Variants in APC2 observed in about 807,000 individuals in gnomAD.
The protein encoded by APC2 is APC regulator of Wnt signaling pathway 2.
APC2 carries 41 observed loss-of-function variants against 72.5 expected under a neutral mutation model. The observed-to-expected ratio is 0.57, with a 90% CI of 0.44 to 0.73. The LOEUF is 0.73. APC2 is among the 30% of genes least tolerant of loss of function. APC2 has a pLI of 0.00. For synonymous variants in APC2, 1,898 were observed against 1,612.0 expected (o/e 1.18, Z -4.25); for missense variants, 3,729 against 3,403.4 (o/e 1.10, Z -2.38).
chr19:1,468,937 C>T lies in APC2; in HGVS notation c.5636C>T (p.Thr1879Ile), dbSNP rs1057247568. ...ACCCCCTCCTCCAGCTCCTCCCAGA[C>T]CTCGCCCGCCTCCCAGCCCCTGCCC... is the stretch of plus-strand genomic sequence containing the variant. Reference protein sequence around the residue: ...AKTPSSSSSQTSPASQPLPRK... With the variant: ...AKTPSSSSSQISPASQPLPRK... Residue 1879 changes from threonine to isoleucine, a missense_variant, in exon 15 of 15, where the codon ACC becomes ATC. Physicochemically the swap from Thr to Ile is moderately conservative, Grantham distance 89. Transcript: ENST00000590469. 1.3e-6 allele frequency: 2 copies of T among 1,542,278 alleles called. No individual in the cohort carries two copies. The highest frequency in any genetic ancestry group is 1.7e-6 in the Non-Finnish European group (2 of 1,151,088).
Position 1,469,952 on chromosome 19 carries a change from C to T in APC2, c.6651C>T (p.Ala2217=), listed in dbSNP as rs1046712957. ...PSLETREPPG[A]PAGGQLSLLG... is the part of the protein sequence containing the mutation. Reference sequence around the variant, plus strand: ...TGGAGACCAGGGAGCCCCCCGGGGCCCCCGCCGGCGGCCAGCTCTCCCTCC... The same window carrying T: ...TGGAGACCAGGGAGCCCCCCGGGGCTCCCGCCGGCGGCCAGCTCTCCCTCC... The change falls in exon 15 of 15, where the codon GCC becomes GCT. Residue 2217 remains alanine, a synonymous_variant. Coordinates refer to ENST00000590469, the MANE Select transcript of APC2 (RefSeq NM_005883.3). The T allele has an allele frequency of 7.3e-6, 11 of 1,513,182 alleles. No homozygotes were observed. The highest frequency in any genetic ancestry group is 1.2e-5 in the South Asian group (1 of 81,828). The allele number at this position is 1,513,182 out of a possible 1,614,324, so 93.7% of individuals were successfully genotyped here.
At chr19:1,461,372 CGAGA>C in intron 13 of APC2, 1 of 586,960 alleles carries the variant, frequency 1.7e-6, no homozygotes, top group Non-Finnish European at 3.0e-6. Context: ...GTCAGGAGTT[CGAGA>C]CCAGCCTGGC....
At chr19:1,457,303 GGGGAT>G in intron 9 of APC2, 60 bp downstream of exon 9, 1 of 1,463,610 alleles carries the variant, frequency 6.8e-7, no homozygotes, top group Non-Finnish European at 9.0e-7. Context: ...GGGCTTCCCG[GGGGAT>G]GGGCGACTAG....
chr19:1,447,705 G>A (rs2083699866), upstream of APC2, among the ~76,000 whole-genome samples: 1 of 152,106 alleles, frequency 6.6e-6, no homozygotes, highest in Admixed American at 6.5e-5. Context: ...TAGATTTGGG[G>A]CCAAGGGCAT....
intron 14 of APC2, among the ~76,000 whole-genome samples, chr19:1,464,860 T>C (rs1450467855): frequency 6.6e-6 from 1 of 151,466 alleles, no homozygotes; most frequent in Non-Finnish European, 1.5e-5. Flanking sequence ...CTCGATCTCC[T>C]GACCTCAGGG....
chr19:1,460,604 G>T (rs1267528259), intron 11 of APC2, among the ~76,000 whole-genome samples, 176 bp from the exon 12 acceptor site: 1 of 152,180 alleles, frequency 6.6e-6, no homozygotes, highest in East Asian at 1.9e-4. Flanking sequence ...CTGGGTGTCT[G>T]CCCCTGTCTG....
intron 4 of APC2, 124 bp from the exon 5 acceptor site, chr19:1,455,025 A>C: frequency 3.0e-5 from 9 of 300,638 alleles, no homozygotes; most frequent in Admixed American, 1.7e-4. Flanking sequence ...GTGCCACGGG[A>C]GAGACCTTGC....
intron 11 of APC2, 40 bp downstream of exon 11, chr19:1,460,360 C>T (rs760683277): frequency 6.2e-6 from 10 of 1,611,952 alleles, no homozygotes; most frequent in Admixed American, 5.0e-5. Flanking sequence ...TTTCCTCATC[C>T]AGTCTTCCAG....
At position 1,455,219 on chromosome 19, in the gene APC2, C is replaced by T. The variant is rs765538031; in HGVS notation, c.484C>T (p.Leu162=). 28 of 1,582,946 alleles carry T rather than the reference C, an allele frequency of 1.8e-5. No individual in the cohort carries two copies. Among genetic ancestry groups the T allele is most frequent in the Non-Finnish European group, 2.3e-5 (27 of 1,171,280 alleles). Residue 162 remains leucine (L), a synonymous_variant, in exon 5 of 15, where the codon CTG becomes TTG. Coordinates refer to ENST00000590469, the MANE Select transcript of APC2 (RefSeq NM_005883.3). ...CTGGTACTACTCTCAGCTGCAGGGC[C>T]TGTCCAAGCGCCTGGACGAGCTGCC... ...KLWYYSQLQG[L]SKRLDELPHV... is the part of the protein sequence containing the mutation.
In APC2 at chr19:1,456,170, A is replaced by T; in HGVS notation, c.717+17A>T. 1.3e-6 allele frequency: 2 copies of T among 1,575,306 alleles called. No individual in the cohort carries two copies. Among genetic ancestry groups the T allele is most frequent in the Non-Finnish European group, 1.7e-6 (2 of 1,163,266 alleles). ...GAGCCCCAGGTACCGGGTGGGGCAG[A>T]GCCAGGGACCAGGGGTGGTGTCGGC... On this transcript the variant is annotated intron_variant, in intron 7 of 14. Transcript: ENST00000590469.
At chr19:1,455,780 A>C (rs896053041) in intron 6 of APC2, among the ~76,000 whole-genome samples, 4 of 151,828 alleles carry the variant, frequency 2.6e-5, no homozygotes, top group Non-Finnish European at 5.9e-5. Context: ...GGTGGGGCCT[A>C]GAAGGACGAG....
In APC2 at chr19:1,450,190, C is replaced by T. The variant is rs912883582; in HGVS notation, c.-167C>T. On this transcript the variant is annotated 5_prime_UTR_variant, in exon 1 of 15. Transcript: ENST00000590469. The stretch of plus-strand genomic sequence containing the variant: ...AGGCCCGGACCGGGCTTTGTCCGCC[C>T]CGGAGCCCCTGCCCGCGCCGCGGAG... 1.0e-6 allele frequency: 1 copy of T among 985,208 alleles called. No individual in the cohort carries two copies. Among genetic ancestry groups the T allele is most frequent in the African/African-American group, 1.7e-5 (1 of 57,220 alleles). The allele number at this position is 985,208 out of a possible 1,614,324, so 61.0% of individuals were successfully genotyped here. A position where few individuals can be genotyped will look rare whatever the true frequency, so the allele number is the denominator to read the frequency against.
In APC2 at chr19:1,456,405, G is replaced by T; in HGVS notation, c.816+1G>T. On this transcript the variant is annotated splice_donor_variant, in intron 8 of 14. Coordinates refer to ENST00000590469, the MANE Select transcript of APC2 (RefSeq NM_005883.3). LOFTEE classifies it high-confidence loss of function. ...CACCCCTCAGCCGGGCAACAGCAAG[G>T]TGAGGGGGAGGGTGAAACGGGGGCT... 6.3e-7 allele frequency: 1 copy of T among 1,597,540 alleles called. No individual in the cohort carries two copies. The highest frequency in any genetic ancestry group is 1.1e-5 in the South Asian group (1 of 88,978).
chr19:1,457,874 A>G lies in APC2; in HGVS notation c.1208-91A>G, dbSNP rs1189186827. 3.4e-6 allele frequency: 3 copies of G among 889,622 alleles called. No homozygotes were observed. In the African/African-American group the frequency reaches 1.3e-4, roughly 39 times the overall value. The allele number at this position is 889,622 out of a possible 1,614,324, so 55.1% of individuals were successfully genotyped here. On this transcript the variant is annotated intron_variant, in intron 9 of 14. Coordinates refer to ENST00000590469, the MANE Select transcript of APC2 (RefSeq NM_005883.3). ...ATTTGCAAAGCTCCCGGGATCCTTC[A>G]GGCCTGGGGCGGGCGGGTTGCGGGA...
In APC2 at chr19:1,466,352, G is replaced by A. The variant is rs746695001; in HGVS notation, c.3051G>A (p.Ala1017=). ...CAAGGGCGGGTGCAGAGCCCCTCGCGGGGCCTGGAATCTCTCCAGGGGCCC... is the reference window on the plus strand; with the variant it reads ...CAAGGGCGGGTGCAGAGCCCCTCGCAGGGCCTGGAATCTCTCCAGGGGCCC... ...GASRAGAEPL[A]GPGISPGARK... is the part of the protein sequence containing the mutation. Residue 1017 remains alanine, a synonymous_variant, in exon 15 of 15, where the codon GCG becomes GCA. Transcript: ENST00000590469. 1.1e-5 allele frequency: 17 copies of A among 1,562,676 alleles called. No homozygotes were observed. Among genetic ancestry groups the A allele is most frequent in the South Asian group, 2.3e-5 (2 of 86,434 alleles).
At position 1,470,393 on chromosome 19, in the gene APC2, T is replaced by C; in HGVS notation, c.*180T>C. 8.6e-6 allele frequency: 8 copies of C among 924,916 alleles called. No homozygotes were observed. In the South Asian group the frequency reaches 1.5e-4, roughly 18 times the overall value. The allele number at this position is 924,916 out of a possible 1,614,324, so 57.3% of individuals were successfully genotyped here. ...CGACCTCGCGCCTCACCGGAAGACC[T>C]TGCCTCTGTGCCGCGGAGGTCCAGG... On this transcript the variant is annotated 3_prime_UTR_variant, in exon 15 of 15. Transcript: ENST00000590469.
Position 1,457,029 on chromosome 19 carries a change from C to A in APC2, c.993C>A (p.Arg331=). ...GCACCGAGGCCGCGGCCGGGGGTCG[C>A]GCCGGGGCCCCAGGGGCACCGGGCG... ...LHGTEAAAGG[R]AGAPGAPGAK... The change falls in exon 9 of 15, where the codon CGC becomes CGA. Residue 331 remains arginine (R), a synonymous_variant. Coordinates refer to ENST00000590469, the MANE Select transcript of APC2 (RefSeq NM_005883.3). The A allele has an allele frequency of 1.3e-6, 2 of 1,527,194 alleles. No individual in the cohort carries two copies. Among genetic ancestry groups the A allele is most frequent in the Non-Finnish European group, 1.7e-6 (2 of 1,143,654 alleles). The allele number at this position is 1,527,194 out of a possible 1,614,324, so 94.6% of individuals were successfully genotyped here. A position where few individuals can be genotyped will look rare whatever the true frequency, so the allele number is the denominator to read the frequency against.
At chr19:1,453,216 T>A in intron 2 of APC2, 31 bp from the exon 3 acceptor site, 1 of 1,559,632 alleles carries the variant, frequency 6.4e-7, no homozygotes, top group Non-Finnish European at 8.7e-7. Flanking sequence ...CAGTGGCTGA[T>A]GGCTTCCCGC....
chr19:1,466,949 G>A lies in APC2; in HGVS notation c.3648G>A (p.Leu1216=), dbSNP rs776415163. 3.7e-6 allele frequency: 6 copies of A among 1,602,416 alleles called. No individual in the cohort carries two copies. In the South Asian group the frequency reaches 4.5e-5, roughly 12 times the overall value. The change falls in exon 15 of 15, where the codon CTG becomes CTA. Residue 1216 remains leucine (L), a synonymous_variant. Transcript: ENST00000590469. The part of the protein sequence containing the change: ...MPPSRSKTPP[L]APAPQGPPEA... Reference sequence around the variant, plus strand: ...CCAGCCGGAGCAAGACGCCACCGCTGGCGCCCGCGCCACAGGGTCCCCCCG... The same window carrying A: ...CCAGCCGGAGCAAGACGCCACCGCTAGCGCCCGCGCCACAGGGTCCCCCCG...
Sources: allele counts gnomAD v4.1 joint callset (sites outside exome capture counted in the v4.1 genomes callset), GRCh38; gene constraint gnomAD v4.1.1; transcripts MANE v1.5; gene names NCBI Gene and HGNC (gene_info 2026-07-23, HGNC 2026-07-21).